Variants in PRCD observed in about 807,000 individuals in gnomAD.
The protein encoded by PRCD is photoreceptor disk component PRCD.
PRCD carries 12 observed loss-of-function variants against 10.1 expected under a neutral mutation model. The ratio of observed to expected loss-of-function variants is 1.18; its 90% CI spans 0.76 to 1.92. The LOEUF is 1.92. Among genes scored for constraint, PRCD ranks in the 40% most tolerant of loss-of-function variants. The probability of loss-of-function intolerance (pLI) is 0.00; values close to 1 mark genes in which losing one functional copy is unlikely to be tolerated. For missense variants in PRCD, 61 were observed against 72.2 expected, an observed-to-expected ratio of 0.84 and a Z score of 0.56; for synonymous variants, 31 against 26.2, an observed-to-expected ratio of 1.18 and a Z score of -0.56.
intron 1 of PRCD, among the ~76,000 whole-genome samples, chr17:76,534,799 G>A (rs2074897262): frequency 1.3e-5 from 2 of 152,188 alleles, no homozygotes; most frequent in East Asian, 1.9e-4. Flanking sequence ...ACCCACCACC[G>A]GGTTGTGGCC....
chr17:76,536,581 G>C (rs904501691), upstream of PRCD, among the ~76,000 whole-genome samples: 1 of 152,156 alleles, frequency 6.6e-6, no homozygotes, highest in African/African-American at 2.4e-5. Context: ...ACCTCTATAA[G>C]GATGGTGTGT....
chr17:76,529,772 G>A (rs182440793), intron 1 of PRCD: 1 of 985,228 alleles, frequency 1.0e-6, no homozygotes, highest in Non-Finnish European at 1.2e-6. Context: ...GCCCTCCTCT[G>A]GTGGGCCAAC....
At position 76,531,864 on chromosome 17, in the gene PRCD, A is replaced by T. The variant is rs958506775; in HGVS notation, n.45+4031A>T. On this transcript the variant is annotated intron_variant and non_coding_transcript_variant, in intron 1 of 4. Transcript: ENST00000397633. This position sits in a 1 kb window ranked among gnomAD's most constrained non-coding sequence, Gnocchi z 7.4. The stretch of plus-strand genomic sequence containing the variant: ...AGCATAGACCCTCCTCCCTCTGGCC[A>T]AGCCGGCTCACCCCTACCAAGTCTG... 6.8e-6 allele frequency: 4 copies of T among 585,476 alleles called. No homozygotes were observed. In the African/African-American group the frequency reaches 7.5e-5, roughly 11 times the overall value. 36.3% of individuals were successfully genotyped at this position (585,476 alleles called of 1,614,324 possible).
In PRCD at chr17:76,544,712, G is replaced by A. The variant is rs774585327; in HGVS notation, c.*1062G>A. ...CTGAGGGCCAGAGGGCACTGTTCCCGGGACCCAGTCTGTGTTCCCCGATCC... is the reference window on the plus strand; with the variant it reads ...CTGAGGGCCAGAGGGCACTGTTCCCAGGACCCAGTCTGTGTTCCCCGATCC... On this transcript the variant is annotated 3_prime_UTR_variant, in exon 5 of 5. Coordinates refer to ENST00000592014, the MANE Select transcript of PRCD (RefSeq NM_001077620.3). The A allele has an allele frequency of 9.0e-5, 41 of 456,672 alleles. 2 individuals carry two copies. Among genetic ancestry groups the A allele is most frequent in the South Asian group, 6.0e-4 (39 of 64,580 alleles). The allele number at this position is 456,672 out of a possible 1,614,324, so 28.3% of individuals were successfully genotyped here.
Position 76,540,069 on chromosome 17 carries a change from G to T in PRCD, c.-73G>T. 6.7e-7 allele frequency: 1 copy of T among 1,482,592 alleles called. No individual in the cohort carries two copies. 91.8% of individuals were successfully genotyped at this position (1,482,592 alleles called of 1,614,324 possible). ...AGACGGCAGTGGCTCCTGAGAGCTGGCTGGGGCCATTTTGGCCCCTCGCCT... is the reference window on the plus strand; with the variant it reads ...AGACGGCAGTGGCTCCTGAGAGCTGTCTGGGGCCATTTTGGCCCCTCGCCT... On this transcript the variant is annotated 5_prime_UTR_variant, in exon 1 of 5. Coordinates refer to ENST00000592014, the MANE Select transcript of PRCD (RefSeq NM_001077620.3). This position sits in a 1 kb window ranked among gnomAD's most constrained non-coding sequence, Gnocchi z 5.0.
At position 76,530,939 on chromosome 17, in the gene PRCD, G is replaced by C; in HGVS notation, n.45+3106G>C. 6.5e-7 allele frequency: 1 copy of C among 1,530,358 alleles called. No individual in the cohort carries two copies. Among genetic ancestry groups the C allele is most frequent in the Non-Finnish European group, 8.8e-7 (1 of 1,134,588 alleles). 94.8% of individuals were successfully genotyped at this position (1,530,358 alleles called of 1,614,324 possible). A position where few individuals can be genotyped will look rare whatever the true frequency, so the allele number is the denominator to read the frequency against. The stretch of plus-strand genomic sequence containing the variant: ...GACCTCGGGGACAGCAGAGGACATG[G>C]CGGGGAGGCTGCCCAGCCCACCCTC... On this transcript the variant is annotated intron_variant and non_coding_transcript_variant, in intron 1 of 4. Transcript: ENST00000397633. This position sits in a 1 kb window ranked among gnomAD's most constrained non-coding sequence, Gnocchi z 6.1.
intron 1 of PRCD, chr17:76,550,764 C>A (rs1219964121): frequency 6.6e-6 from 1 of 152,232 alleles, no homozygotes; most frequent in Non-Finnish European, 1.5e-5. Context: ...TGCTCACCAT[C>A]TAGCAGAAAA....
intron 2 of PRCD, among the ~76,000 whole-genome samples, chr17:76,541,936 T>A (rs2074997007): frequency 6.6e-6 from 1 of 152,376 alleles, no homozygotes; most frequent in South Asian, 2.1e-4. Context: ...CCATAAATGC[T>A]AGCAGCTGTC....
chr17:76,529,196 C>G (rs948030487), intron 1 of PRCD: 2 of 985,274 alleles, frequency 2.0e-6, no homozygotes, highest in African/African-American at 1.7e-5. Context: ...ATCCTACCCT[C>G]GAGCCCATGG....
Position 76,531,705 on chromosome 17 carries a change from CAG to C in PRCD, n.45+3873_45+3874del. ...TTCACAAAGAACCTGGCAAGAGGAA[CAG>C]GGGTGGTCGCTGAAGCTGGAGGCTG... On this transcript the variant is annotated intron_variant and non_coding_transcript_variant, in intron 1 of 4. Coordinates refer to the PRCD transcript ENST00000397633. This position sits in a 1 kb window ranked among gnomAD's most constrained non-coding sequence, Gnocchi z 7.4. 2 of 1,573,174 alleles carry C rather than the reference CAG, an allele frequency of 1.3e-6. No individual in the cohort carries two copies. The highest frequency in any genetic ancestry group is 8.7e-7 in the Non-Finnish European group (1 of 1,151,564).
At chr17:76,527,833 G>C in exon 1 of PRCD, 2 of 453,512 alleles carry the variant, frequency 4.4e-6, no homozygotes, top group Non-Finnish European at 8.8e-6. Context: ...TAGGACAGCC[G>C]GTGAGTCAGT....
intron 1 of PRCD, chr17:76,529,213 T>C (rs2074804220): frequency 2.0e-6 from 2 of 985,284 alleles, no homozygotes; most frequent in African/African-American, 3.5e-5. Flanking sequence ...ATGGGGACCC[T>C]GGCAGCAGGG....
chr17:76,531,429 TG>T lies in PRCD; in HGVS notation n.45+3601del. 6.3e-7 allele frequency: 1 copy of T among 1,590,498 alleles called. No individual in the cohort carries two copies. The highest frequency in any genetic ancestry group is 1.7e-4 in the Middle Eastern group (1 of 5,976). On this transcript the variant is annotated intron_variant and non_coding_transcript_variant, in intron 1 of 4. Transcript: ENST00000397633. This position sits in a 1 kb window ranked among gnomAD's most constrained non-coding sequence, Gnocchi z 7.4. The stretch of plus-strand genomic sequence containing the variant: ...GCAGATGGCCATGACGCGTGGGCGG[TG>T]GGGGCTCTGCAGCAGATGGGGGCGC...
In PRCD at chr17:76,540,280, C is replaced by A; in HGVS notation, c.74+65C>A. 1 of 1,474,788 alleles carries A rather than the reference C, an allele frequency of 6.8e-7. No homozygotes were observed. The highest frequency in any genetic ancestry group is 9.3e-7 in the Non-Finnish European group (1 of 1,080,536). The allele number at this position is 1,474,788 out of a possible 1,614,324, so 91.4% of individuals were successfully genotyped here. Reference sequence around the variant, plus strand: ...GGGGGGGGGCATGGGGCTGGGCTGCCACCAAGCTGAAGGTGGGCAGGGGCT... The same window carrying A: ...GGGGGGGGGCATGGGGCTGGGCTGCAACCAAGCTGAAGGTGGGCAGGGGCT... On this transcript the variant is annotated intron_variant, in intron 1 of 4. Transcript: ENST00000592014. The surrounding 1 kb of genome is among the most constrained non-coding windows in gnomAD (Gnocchi z 5.0).
Position 76,533,491 on chromosome 17 carries a change from G to A in PRCD, n.45+5658G>A, listed in dbSNP as rs962991344. On this transcript the variant is annotated intron_variant and non_coding_transcript_variant, in intron 1 of 4. Coordinates refer to the PRCD transcript ENST00000397633. The surrounding 1 kb of genome is among the most constrained non-coding windows in gnomAD (Gnocchi z 4.5). ...TATAATCCTAGCACTTTACGAGGCCGAGGCGGGTGGATTGCTTGAGCTCAG... is the reference window on the plus strand; with the variant it reads ...TATAATCCTAGCACTTTACGAGGCCAAGGCGGGTGGATTGCTTGAGCTCAG... Among the ~76,000 whole-genome samples the A allele has an allele frequency of 3.3e-5, 5 of 152,182 alleles. No homozygotes were observed. The highest frequency in any genetic ancestry group is 7.3e-5 in the Non-Finnish European group (5 of 68,034).
downstream of PRCD, among the ~76,000 whole-genome samples, chr17:76,549,371 T>C (rs2075085818): frequency 6.6e-6 from 1 of 152,224 alleles, no homozygotes. Context: ...CTCACGCCTG[T>C]AATACCAGCA....
chr17:76,541,778 A>G (rs62086578), intron 2 of PRCD, among the ~76,000 whole-genome samples: 31,327 of 152,122 alleles, frequency 0.21, 3,312 homozygotes, highest in East Asian at 0.35. Flanking sequence ...GCCCGGGTCT[A>G]GAGTTGGGCA....
At chr17:76,540,029 CA>C, upstream of PRCD, 1 of 1,122,188 alleles carries the variant, frequency 8.9e-7, no homozygotes, top group African/African-American at 1.5e-5. The surrounding 1 kb of genome is among the most constrained non-coding windows in gnomAD (Gnocchi z 5.0). Context: ...CCATCCCCAG[CA>C]GGAACCGCAG....
In PRCD at chr17:76,544,241, C is replaced by G. The variant is rs1275409168; in HGVS notation, c.*591C>G. On this transcript the variant is annotated 3_prime_UTR_variant, in exon 5 of 5. Coordinates refer to ENST00000592014, the MANE Select transcript of PRCD (RefSeq NM_001077620.3). ...CGTCTCTCCTCCCCAGCCAGCCCCC[C>G]TCCCAGCCCAGCGGCGATGTCTCTG... is the stretch of plus-strand genomic sequence containing the variant. 8.8e-6 allele frequency: 4 copies of G among 454,468 alleles called. No homozygotes were observed. Among genetic ancestry groups the G allele is most frequent in the African/African-American group, 4.0e-5 (2 of 50,020 alleles). 28.2% of individuals were successfully genotyped at this position (454,468 alleles called of 1,614,324 possible).
Sources: allele counts gnomAD v4.1 joint callset (sites outside exome capture counted in the v4.1 genomes callset), GRCh38; gene constraint gnomAD v4.1.1; non-coding constraint Gnocchi (gnomAD v3.1); transcripts MANE v1.5; gene names NCBI Gene and HGNC (gene_info 2026-07-23, HGNC 2026-07-21).